Variants in BEND4 observed in about 807,000 individuals in gnomAD.
The protein encoded by BEND4 is BEN domain containing 4, also known as BEN domain-containing protein 4.
BEND4 carries 27 observed loss-of-function variants against 54.7 expected under a neutral mutation model. That is an observed-to-expected ratio of 0.49 (90% CI 0.36 to 0.68). The LOEUF (loss-of-function observed/expected upper bound fraction) is 0.68. BEND4 is among the 30% of genes least tolerant of loss of function. BEND4 has a pLI of 0.00. For synonymous variants in BEND4, 327 were observed against 299.5 expected, an observed-to-expected ratio of 1.09 and a Z score of -0.95; for missense variants, 702 against 697.2, an observed-to-expected ratio of 1.01 and a Z score of -0.08.
In BEND4 at chr4:42,114,995, A is replaced by G. The variant is rs1719741430; in HGVS notation, c.*2523T>C. 1 of 152,306 alleles carries G rather than the reference A, an allele frequency of 6.6e-6. No homozygotes were observed. Among genetic ancestry groups the G allele is most frequent in the Admixed American group, 6.5e-5 (1 of 15,290 alleles). 9.4% of individuals were successfully genotyped at this position (152,306 alleles called of 1,614,324 possible). A position where few individuals can be genotyped will look rare whatever the true frequency, so the allele number is the denominator to read the frequency against. On this transcript the variant is annotated 3_prime_UTR_variant, in exon 6 of 6. Transcript: ENST00000502486. ...ACAAACAGTAGAAGTACAATGGAAT[A>G]TCTCACTCAGGAGCAAAAGTCGTAG...
intron 3 of BEND4, among the ~76,000 whole-genome samples, chr4:42,127,486 C>T (rs1007349794): frequency 2.0e-5 from 3 of 152,166 alleles, no homozygotes; most frequent in Non-Finnish European, 4.4e-5. Flanking sequence ...TTTACTGATG[C>T]CACAGTGAGG....
rs11939820 is a variant in BEND4, at chr4:42,149,448, C to T, written c.487+2209G>A. 6.6e-3 allele frequency among the ~76,000 whole-genome samples: 1,004 copies of T among 152,272 alleles called. 10 individuals are homozygous for T. The highest frequency in any genetic ancestry group is 0.023 in the African/African-American group (939 of 41,542). ...TATTTCCCTCACTGTATGGAAGAAG[C>T]CTACCATCCAATTCCCATCTTTCCA... On this transcript the variant is annotated intron_variant, in intron 2 of 5. Transcript: ENST00000502486.
chr4:42,118,939 A>G (rs1719952807), intron 5 of BEND4, among the ~76,000 whole-genome samples: 1 of 152,224 alleles, frequency 6.6e-6, no homozygotes, highest in Non-Finnish European at 1.5e-5. Context: ...CCTAGTAAAT[A>G]CAGGCATTTT....
chr4:42,125,716 G>T, intron 3 of BEND4, 42 bp from the exon 4 acceptor site: 1 of 1,267,824 alleles, frequency 7.9e-7, no homozygotes, highest in Non-Finnish European at 1.1e-6. Context: ...TGGCTATCCC[G>T]TAACATGAAA....
intron 2 of BEND4, among the ~76,000 whole-genome samples, chr4:42,150,758 G>A (rs1380314145): frequency 6.6e-6 from 1 of 152,226 alleles, no homozygotes; most frequent in East Asian, 1.9e-4. Context: ...GCCGGGCAGC[G>A]CCCGCAGACT....
intron 2 of BEND4, among the ~76,000 whole-genome samples, chr4:42,148,190 G>A (rs1478367461): frequency 6.6e-6 from 1 of 152,092 alleles, no homozygotes; most frequent in Non-Finnish European, 1.5e-5. Context: ...ATAGAAGTTA[G>A]AAAATCAAAG....
At chr4:42,135,850 AGATTTGGCATGATTAAAGC>A (rs1324548138) in intron 3 of BEND4, among the ~76,000 whole-genome samples, 4 of 152,188 alleles carry the variant, frequency 2.6e-5, no homozygotes, top group African/African-American at 9.7e-5. Context: ...AAAGGGAAAC[AGATTTGGCATGATTAAAGC>A]GATTTGGCAA....
intron 4 of BEND4, among the ~76,000 whole-genome samples, chr4:42,123,694 G>GA (rs71664396): frequency 0.024 from 1,230 of 50,734 alleles, 23 homozygotes; most frequent in East Asian, 0.052. Context: ...CTGTAATTCA[G>GA]AAAAAAAAAA....
Position 42,113,542 on chromosome 4 carries a change from A to G in BEND4, c.*3976T>C, listed in dbSNP as rs967805370. The G allele has an allele frequency of 6.6e-6, 1 of 152,156 alleles. No homozygotes were observed. Among genetic ancestry groups the G allele is most frequent in the African/African-American group, 2.4e-5 (1 of 41,434 alleles). 9.4% of individuals were successfully genotyped at this position (152,156 alleles called of 1,614,324 possible). On this transcript the variant is annotated 3_prime_UTR_variant, in exon 6 of 6. Transcript: ENST00000502486. ...CGGCAGGGGAATGTAGGAATCATAA[A>G]CCTACAGATTCGAAGTCTGGGTTAT...
Position 42,148,451 on chromosome 4 carries a change from T to C in BEND4, c.487+3206A>G, listed in dbSNP as rs1015913013. On this transcript the variant is annotated intron_variant, in intron 2 of 5. Transcript: ENST00000502486. ...CTGAATATTTTCTGGACCATCGGTA[T>C]ATAAAATAGGATGCTGCTATTTGTG... 7.2e-5 allele frequency among the ~76,000 whole-genome samples: 11 copies of C among 152,238 alleles called. 1 individual carries two copies. The highest frequency in any genetic ancestry group is 7.2e-4 in the Admixed American group (11 of 15,274).
chr4:42,135,781 C>A (rs576562067), intron 3 of BEND4, among the ~76,000 whole-genome samples: 2 of 151,378 alleles, frequency 1.3e-5, no homozygotes, highest in Admixed American at 6.6e-5. Context: ...TCTAAAAAAA[C>A]CAACCAAACA....
chr4:42,118,790 T>C (rs1305715773), intron 5 of BEND4, among the ~76,000 whole-genome samples: 1 of 152,192 alleles, frequency 6.6e-6, no homozygotes, highest in East Asian at 1.9e-4. Context: ...AGTAACTCCA[T>C]CATCTCTGAT....
chr4:42,119,090 C>G lies in BEND4; in HGVS notation c.1387+964G>C, dbSNP rs116311539. 7.9e-3 allele frequency among the ~76,000 whole-genome samples: 1,198 copies of G among 152,234 alleles called. 22 individuals are homozygous for G. Among genetic ancestry groups the G allele is most frequent in the African/African-American group, 0.028 (1,146 of 41,518 alleles). On this transcript the variant is annotated intron_variant, in intron 5 of 5. Transcript: ENST00000502486. The stretch of plus-strand genomic sequence containing the variant: ...AGGCCTAGGGAATCTCAGCTGCTAA[C>G]AAAAACTACATATGCATCCTAGGCA...
intron 3 of BEND4, among the ~76,000 whole-genome samples, chr4:42,140,124 G>C (rs1346197575): frequency 6.6e-6 from 1 of 152,162 alleles, no homozygotes; most frequent in Non-Finnish European, 1.5e-5. Flanking sequence ...CTTTGATCAA[G>C]TTTTCATCTC....
Position 42,151,884 on chromosome 4 carries a change from G to C in BEND4, c.260C>G (p.Pro87Arg), listed in dbSNP as rs1721305856. The stretch of plus-strand genomic sequence containing the variant: ...GGCGGCGGCCCGGCCGGGCCCGGGG[G>C]GGTAGGAGCTCTGCGCCTGGAACTG... ...PQQFQAQSSY[P>R]PGPGRAAAAA... The change falls in exon 2 of 6, where the codon CCC (proline) becomes CGC (arginine). Residue 87 changes from proline (P) to arginine (R), a missense_variant. Coordinates refer to ENST00000502486, the MANE Select transcript of BEND4 (RefSeq NM_207406.4). The C allele has an allele frequency of 1.5e-6, 2 of 1,295,996 alleles. No homozygotes were observed. Among genetic ancestry groups the C allele is most frequent in the Non-Finnish European group, 1.9e-6 (2 of 1,030,018 alleles). 80.3% of individuals were successfully genotyped at this position (1,295,996 alleles called of 1,614,324 possible).
chr4:42,133,682 C>T (rs927035081), intron 3 of BEND4, among the ~76,000 whole-genome samples: 30 of 152,110 alleles, frequency 2.0e-4, no homozygotes, highest in East Asian at 1.5e-3. Context: ...GGTGAAACCC[C>T]GTCTCTACTA....
intron 2 of BEND4, among the ~76,000 whole-genome samples, chr4:42,148,351 A>C (rs574644691): frequency 6.6e-6 from 1 of 152,328 alleles, no homozygotes; most frequent in Non-Finnish European, 1.5e-5. Context: ...GTCAAAAATT[A>C]ACAGATGAGT....
intron 3 of BEND4, among the ~76,000 whole-genome samples, chr4:42,142,914 T>C (rs1344586285): frequency 2.6e-5 from 4 of 152,174 alleles, no homozygotes; most frequent in African/African-American, 4.8e-5. Flanking sequence ...ATTAATGAAA[T>C]AGAAGAGACC....
intron 3 of BEND4, among the ~76,000 whole-genome samples, chr4:42,137,833 T>C (rs1279678689): frequency 6.6e-6 from 1 of 152,152 alleles, no homozygotes; most frequent in East Asian, 1.9e-4. Flanking sequence ...CCAACACGTA[T>C]ATAAAAATGT....
Sources: allele counts gnomAD v4.1 joint callset (sites outside exome capture counted in the v4.1 genomes callset), GRCh38; gene constraint gnomAD v4.1.1; transcripts MANE v1.5; gene names NCBI Gene and HGNC (gene_info 2026-07-23, HGNC 2026-07-21).